Variants in COA1 observed in about 807,000 individuals in gnomAD.
COA1 encodes the protein cytochrome c oxidase assembly factor 1, also known as cytochrome c oxidase assembly factor 1 homolog.
A neutral mutation model predicts 16.0 loss-of-function variants in COA1; 13 were observed. The observed-to-expected ratio is 0.81, with a 90% CI of 0.53 to 1.29. The LOEUF (loss-of-function observed/expected upper bound fraction) is 1.29. Ranked by LOEUF, COA1 falls within the 50% of genes most tolerant of loss-of-function variation. The pLI, the probability that COA1 is intolerant of heterozygous loss-of-function variation, is 0.00. For synonymous variants in COA1, 65 were observed against 65.7 expected (o/e 0.99, Z 0.05); for missense variants, 179 against 177.0 (o/e 1.01, Z -0.06).
At chr7:43,622,348 A>T (rs2083984818) in intron 6 of COA1, 1 of 151,928 alleles carries the variant, frequency 6.6e-6, no homozygotes, top group Non-Finnish European at 1.5e-5. Flanking sequence ...TCTTCCTCCC[A>T]CTCATTTATT....
chr7:43,696,761 GA>G (rs1160910140), intron 1 of COA1, among the ~76,000 whole-genome samples: 1 of 152,104 alleles, frequency 6.6e-6, no homozygotes, highest in African/African-American at 2.4e-5. Flanking sequence ...AAGGAAGACA[GA>G]AAAAGAGAAT....
intron 4 of COA1, chr7:43,642,120 C>T (rs2087313479): frequency 6.6e-6 from 1 of 152,232 alleles, no homozygotes; most frequent in African/African-American, 2.4e-5. Flanking sequence ...GGCTCCATAA[C>T]TCAGGTGAAT....
At chr7:43,612,558 A>G (rs941483970) in intron 6 of COA1, among the ~76,000 whole-genome samples, 1 of 152,216 alleles carries the variant, frequency 6.6e-6, no homozygotes, top group African/African-American at 2.4e-5. Context: ...TAATCCCAAT[A>G]TGTATGGTAA....
chr7:43,641,839 G>T (rs899059995), intron 4 of COA1: 3 of 152,100 alleles, frequency 2.0e-5, no homozygotes, highest in African/African-American at 7.2e-5. Context: ...CAATATTTTT[G>T]GTTTCTCATG....
chr7:43,649,912 C>T (rs765410822), intron 1 of COA1: 4 of 152,258 alleles, frequency 2.6e-5, no homozygotes, highest in Non-Finnish European at 5.9e-5. Flanking sequence ...AGGAAGTGGT[C>T]AACCTTGCTG....
At chr7:43,634,635 G>C (rs2085560539), downstream of COA1, among the ~76,000 whole-genome samples, 1 of 152,232 alleles carries the variant, frequency 6.6e-6, no homozygotes, top group South Asian at 2.1e-4. Flanking sequence ...GGATGGGGAG[G>C]CCTCATTACA....
chr7:43,638,224 ATT>A (rs34750204), downstream of COA1, among the ~76,000 whole-genome samples: 24,053 of 138,694 alleles, frequency 0.17, 2,495 homozygotes, highest in Non-Finnish European at 0.25. Context: ...GTTTAAGCTC[ATT>A]TTTTTTTTTT....
Position 43,718,864 on chromosome 7 carries a change from C to T in COA1, c.-39+10565G>A, listed in dbSNP as rs564636741. ...TTCTTAGGCTTTTCAGTACTCTACA[C>T]TATGTTGATGTTGTCTATTTTCCAT... On this transcript the variant is annotated intron_variant, in intron 1 of 5. Coordinates refer to ENST00000223336, the MANE Select transcript of COA1 (RefSeq NM_018224.4). 1.3e-4 allele frequency among the ~76,000 whole-genome samples: 20 copies of T among 152,176 alleles called. No homozygotes were observed. The South Asian group carries it at 3.9e-3, about 30-fold the overall frequency.
chr7:43,619,706 G>A (rs780842727), intron 6 of COA1: 17 of 1,613,780 alleles, frequency 1.1e-5, no homozygotes, highest in Non-Finnish European at 1.4e-5. Context: ...GAAATTATGG[G>A]TACCCCTGAA....
chr7:43,712,187 A>AGG (rs1563456390), intron 1 of COA1, among the ~76,000 whole-genome samples: 1 of 151,868 alleles, frequency 6.6e-6, no homozygotes, highest in African/African-American at 2.4e-5. Flanking sequence ...ATCTCGGCTC[A>AGG]CTGCAACCTC....
At chr7:43,652,031 C>A (rs758817458) in intron 1 of COA1, among the ~76,000 whole-genome samples, 1 of 152,150 alleles carries the variant, frequency 6.6e-6, no homozygotes, top group Non-Finnish European at 1.5e-5. Flanking sequence ...CCAGGCCACA[C>A]CCAGACCAAT....
intron 1 of COA1, among the ~76,000 whole-genome samples, chr7:43,692,946 G>A (rs1452531688): frequency 6.6e-6 from 1 of 152,058 alleles, no homozygotes; most frequent in African/African-American, 2.4e-5. Flanking sequence ...AATCACCTGG[G>A]AGTTTTTTAA....
rs536437937 is a variant in COA1, at chr7:43,697,931, T to C, written c.-39+31498A>G. On this transcript the variant is annotated intron_variant, in intron 1 of 5. Coordinates refer to ENST00000223336, the MANE Select transcript of COA1 (RefSeq NM_018224.4). The stretch of plus-strand genomic sequence containing the variant: ...ATCTAAAATCACCAGTTGCCACGGA[T>C]GACTAATATAAAGGTAGATAGCAGC... Among the ~76,000 whole-genome samples, 28 of 152,328 alleles carry C rather than the reference T, an allele frequency of 1.8e-4. No individual in the cohort carries two copies. In the South Asian group the frequency reaches 5.4e-3, roughly 29 times the overall value.
intron 1 of COA1, among the ~76,000 whole-genome samples, chr7:43,704,510 T>C (rs550188132): frequency 6.6e-6 from 1 of 152,372 alleles, no homozygotes; most frequent in African/African-American, 2.4e-5. Flanking sequence ...GTTTTGTTCA[T>C]TTTTTAACTC....
rs1563383527 is a variant in COA1 at position 43,691,358 on chromosome 7, AGGGAGGGAGGG to A, written c.-39+38060_-39+38070del. Among the ~76,000 whole-genome samples, 11 of 64,168 alleles carry A rather than the reference AGGGAGGGAGGG, an allele frequency of 1.7e-4. 1 individual carries two copies. The highest frequency in any genetic ancestry group is 8.2e-4 in the African/African-American group (11 of 13,352). The allele number at this position is 64,168 out of a possible 152,430, so 42.1% of individuals were successfully genotyped here. ...AAGAGAGAGAGGGAGGGAGGGAGGGAGGGAGGGAGGGAGGGAGGGAGGAAGGAAGGAAGGAA... is the reference window on the plus strand; with the variant it reads ...AAGAGAGAGAGGGAGGGAGGGAGGGAAGGGAGGGAGGAAGGAAGGAAGGAA... On this transcript the variant is annotated intron_variant, in intron 1 of 5. Transcript: ENST00000223336.
downstream of COA1, chr7:43,639,201 A>G (rs2086464272): frequency 6.3e-6 from 1 of 159,254 alleles, no homozygotes; most frequent in South Asian, 1.7e-4. Flanking sequence ...TGTAATGAGG[A>G]CTGAAAATTC....
intron 1 of COA1, among the ~76,000 whole-genome samples, chr7:43,715,689 G>A (rs1341546524): frequency 6.6e-6 from 1 of 152,114 alleles, no homozygotes; most frequent in African/African-American, 2.4e-5. Context: ...TACAAAGGAT[G>A]ACAGTCTATA....
chr7:43,727,815 T>C (rs966234542), intron 1 of COA1, among the ~76,000 whole-genome samples: 12 of 152,154 alleles, frequency 7.9e-5, no homozygotes, highest in African/African-American at 2.7e-4. Flanking sequence ...ATGCAGCATA[T>C]TAAACATGAA....
chr7:43,703,107 T>C (rs1420626607), intron 1 of COA1, among the ~76,000 whole-genome samples: 1 of 152,214 alleles, frequency 6.6e-6, no homozygotes, highest in Non-Finnish European at 1.5e-5. Flanking sequence ...CCAAAAGTCA[T>C]TCAGGAACAG....
Sources: allele counts gnomAD v4.1 joint callset (sites outside exome capture counted in the v4.1 genomes callset), GRCh38; gene constraint gnomAD v4.1.1; transcripts MANE v1.5; gene names NCBI Gene and HGNC (gene_info 2026-07-23, HGNC 2026-07-21).